Variants in DPP6 observed in about 807,000 individuals in gnomAD.
The protein encoded by DPP6 is A-type potassium channel modulatory protein DPP6.
A neutral mutation model predicts 122.6 loss-of-function variants in DPP6; 69 were observed. The observed-to-expected ratio is 0.56, with a 90% CI of 0.46 to 0.69. DPP6 has a LOEUF of 0.69. Among genes scored for constraint, DPP6 ranks in the 30% least tolerant of loss-of-function variants. DPP6 has a pLI of 0.00. For missense variants in DPP6, 928 were observed against 1,116.9 expected, an observed-to-expected ratio of 0.83 and a Z score of 2.41; for synonymous variants, 418 against 433.1, an observed-to-expected ratio of 0.97 and a Z score of 0.43.
chr7:154,463,507 T>C (rs531379267), intron 2 of DPP6, among the ~76,000 whole-genome samples: 24 of 152,170 alleles, frequency 1.6e-4, no homozygotes, highest in African/African-American at 5.5e-4. Context: ...GCGCCCAGCC[T>C]ACTTCTCCTT....
chr7:154,374,928 T>C (rs6977812), intron 1 of DPP6, among the ~76,000 whole-genome samples: 90,828 of 151,712 alleles, frequency 0.6, 30,824 homozygotes, highest in East Asian at 0.75. Flanking sequence ...ATAGTTTTAA[T>C]TAATTCTTTC....
At position 154,098,339 on chromosome 7, in the gene DPP6, A is replaced by C. The variant is rs1472512640; in HGVS notation, c.243+45276A>C. Among the ~76,000 whole-genome samples the C allele has an allele frequency of 2.6e-5, 4 of 152,196 alleles. No individual in the cohort carries two copies. In the South Asian group the frequency reaches 6.2e-4, roughly 24 times the overall value. ...GCCTCCCCAGCCATGCTGAACTGTG[A>C]GTCAATTAAACCTCTTTTCTTTATA... On this transcript the variant is annotated intron_variant, in intron 1 of 25. Transcript: ENST00000377770.
At chr7:154,529,982 T>A (rs1050104528) in intron 3 of DPP6, among the ~76,000 whole-genome samples, 2 of 151,856 alleles carry the variant, frequency 1.3e-5, no homozygotes, top group African/African-American at 4.8e-5. Context: ...GAAAATTAGC[T>A]GGGCGTGGTG....
chr7:154,701,989 C>T (rs1586918279), intron 7 of DPP6, among the ~76,000 whole-genome samples: 2 of 152,202 alleles, frequency 1.3e-5, no homozygotes, highest in African/African-American at 4.8e-5. Flanking sequence ...TCTGTTGGGA[C>T]CATTTTTCCA....
chr7:154,062,003 A>C (rs1802026635), intron 1 of DPP6, among the ~76,000 whole-genome samples: 1 of 97,588 alleles, frequency 1.0e-5, no homozygotes, highest in African/African-American at 4.1e-5. Context: ...GGCTGTTGGT[A>C]CCCCCATCGC....
intron 1 of DPP6, among the ~76,000 whole-genome samples, chr7:153,950,354 G>C (rs1248869697): frequency 6.6e-6 from 1 of 152,188 alleles, no homozygotes. Context: ...TTAGGTGTGA[G>C]ACAAGAGGAG....
intron 1 of DPP6, among the ~76,000 whole-genome samples, chr7:154,012,104 A>C (rs1047620696): frequency 1.3e-5 from 2 of 152,174 alleles, no homozygotes; most frequent in Non-Finnish European, 1.5e-5. Context: ...AGAAACATTA[A>C]GCAACTGTCC....
chr7:154,091,802 G>A (rs868023947), intron 1 of DPP6, among the ~76,000 whole-genome samples: 6 of 152,066 alleles, frequency 3.9e-5, no homozygotes, highest in Middle Eastern at 3.4e-3. Context: ...GGTCAGTAAC[G>A]CAAGGAGTTG....
intron 2 of DPP6, among the ~76,000 whole-genome samples, chr7:154,459,146 AAAG>A (rs61105792): frequency 0.43 from 65,172 of 151,784 alleles, 15,212 homozygotes; most frequent in East Asian, 0.58. Flanking sequence ...AGATTAAAAA[AAAG>A]AAGCCAATGA....
At chr7:154,392,623 C>T (rs909868132) in intron 1 of DPP6, among the ~76,000 whole-genome samples, 18 of 152,070 alleles carry the variant, frequency 1.2e-4, no homozygotes, top group African/African-American at 3.9e-4. Flanking sequence ...GTTTTTGAAT[C>T]GGGAGTTGAA....
intron 7 of DPP6, among the ~76,000 whole-genome samples, chr7:154,723,085 AC>A (rs1420017465): frequency 6.6e-6 from 1 of 151,874 alleles, no homozygotes; most frequent in Non-Finnish European, 1.5e-5. Flanking sequence ...TCATGGCAAA[AC>A]CCCATCTACA....
At chr7:154,331,200 C>T (rs1209500641) in intron 1 of DPP6, among the ~76,000 whole-genome samples, 6 of 152,202 alleles carry the variant, frequency 3.9e-5, no homozygotes, top group Non-Finnish European at 8.8e-5. Flanking sequence ...GTATTTGGAA[C>T]TGGCAGCCAG....
At chr7:154,720,874 A>G (rs989847793) in intron 7 of DPP6, among the ~76,000 whole-genome samples, 2 of 152,188 alleles carry the variant, frequency 1.3e-5, no homozygotes, top group Non-Finnish European at 2.9e-5. Flanking sequence ...GCCTGCAGTC[A>G]CCGGGCAGCT....
At chr7:154,436,441 A>C (rs1053835255) in intron 1 of DPP6, among the ~76,000 whole-genome samples, 2 of 151,760 alleles carry the variant, frequency 1.3e-5, no homozygotes, top group African/African-American at 4.9e-5. Flanking sequence ...CGCCCTCTTG[A>C]CACATGGAAT....
intron 1 of DPP6, among the ~76,000 whole-genome samples, chr7:154,013,068 T>G (rs1355363396): frequency 6.6e-6 from 1 of 152,210 alleles, no homozygotes; most frequent in African/African-American, 2.4e-5. Context: ...TTAAGGCCAC[T>G]GCTCTCTGAT....
At chr7:153,856,006 C>T in the DPP6 span, among the ~76,000 whole-genome samples, 1 of 152,144 alleles carries the variant, frequency 6.6e-6, no homozygotes, top group Non-Finnish European at 1.5e-5. Context: ...AACAGTGTCC[C>T]CCAAGTCAAA....
intron 1 of DPP6, among the ~76,000 whole-genome samples, chr7:153,995,116 C>G (rs71530473): frequency 1.2e-4 from 19 of 152,334 alleles, no homozygotes; most frequent in African/African-American, 3.4e-4. Flanking sequence ...CTGTGCTTCA[C>G]TGCAGTTGCT....
Position 154,732,790 on chromosome 7 carries a change from C to T in DPP6, c.883+4903C>T, listed in dbSNP as rs184568466. Among the ~76,000 whole-genome samples the T allele has an allele frequency of 9.2e-5, 14 of 152,248 alleles. No homozygotes were observed. In the East Asian group the frequency reaches 1.4e-3, roughly 15 times the overall value. Reference sequence around the variant, plus strand: ...TCAGATCAGGAGACCCAGTTTGGCACGGAAGCATTTCCCCGTGCATGTCAG... The same window carrying T: ...TCAGATCAGGAGACCCAGTTTGGCATGGAAGCATTTCCCCGTGCATGTCAG... On this transcript the variant is annotated intron_variant, in intron 8 of 25. Transcript: ENST00000377770.
At chr7:154,563,009 T>TA (rs1157155121) in intron 4 of DPP6, among the ~76,000 whole-genome samples, 1 of 152,104 alleles carries the variant, frequency 6.6e-6, no homozygotes, top group Non-Finnish European at 1.5e-5. Flanking sequence ...ATAAATAGGT[T>TA]AAAAAATATA....
Sources: gnomAD v4.1 joint callset for allele counts (sites outside exome capture counted in the v4.1 genomes callset) on GRCh38, gnomAD v4.1.1 for gene constraint, MANE v1.5 for transcripts, NCBI Gene and HGNC (gene_info 2026-07-23, HGNC 2026-07-21) for gene names.